Variants in CHODL observed in about 807,000 individuals in gnomAD.
The protein encoded by CHODL is chondrolectin, also known as transmembrane protein MT75.
A neutral mutation model predicts 34.5 loss-of-function variants in CHODL; 29 were observed. The ratio of observed to expected loss-of-function variants is 0.84; its 90% confidence interval spans 0.63 to 1.15. CHODL has a LOEUF of 1.15. Ranked by LOEUF, CHODL falls within the 50% of genes most tolerant of loss-of-function variation. CHODL has a pLI of 0.00. For synonymous variants in CHODL, 125 were observed against 116.1 expected (o/e 1.08, Z -0.49); for missense variants, 332 against 332.5 (o/e 1.00, Z 0.01).
intron 2 of CHODL, among the ~76,000 whole-genome samples, chr21:18,081,739 TAGAG>T (rs1179235287): frequency 6.6e-6 from 1 of 152,066 alleles, no homozygotes; most frequent in East Asian, 1.9e-4. Flanking sequence ...TTCCAGTTCT[TAGAG>T]GGAATGCTTT....
intron 2 of CHODL, among the ~76,000 whole-genome samples, chr21:18,097,446 C>T (rs2065153307): frequency 1.3e-5 from 2 of 151,754 alleles, no homozygotes; most frequent in African/African-American, 4.8e-5. Flanking sequence ...AACTGAAAAA[C>T]AGAAATAAAA....
chr21:18,102,981 A>C (rs2065233141), intron 2 of CHODL, among the ~76,000 whole-genome samples: 1 of 152,204 alleles, frequency 6.6e-6, no homozygotes, highest in Non-Finnish European at 1.5e-5. Flanking sequence ...TCTGGAATCC[A>C]AACCAAAGAT....
chr21:18,101,995 G>C (rs1013216658), intron 2 of CHODL, among the ~76,000 whole-genome samples: 1 of 152,218 alleles, frequency 6.6e-6, no homozygotes, highest in Non-Finnish European at 1.5e-5. Context: ...AGTAACTGTT[G>C]ATTACTCAGG....
chr21:17,962,311 C>T (rs774412325), intron 1 of CHODL, among the ~76,000 whole-genome samples: 4 of 152,136 alleles, frequency 2.6e-5, no homozygotes, highest in Non-Finnish European at 5.9e-5. Context: ...TAGGACCATT[C>T]TCTAATATGA....
At chr21:18,138,181 C>T (rs2072756714) in intron 2 of CHODL, among the ~76,000 whole-genome samples, 1 of 151,316 alleles carries the variant, frequency 6.6e-6, no homozygotes, top group African/African-American at 2.4e-5. Flanking sequence ...ATAGTAGGTC[C>T]AGAGCCCCTT....
At chr21:17,974,316 G>A (rs531323393) in intron 1 of CHODL, among the ~76,000 whole-genome samples, 84 of 151,954 alleles carry the variant, frequency 5.5e-4, no homozygotes, top group African/African-American at 2.0e-3. Context: ...TCTGTTGCCC[G>A]GGCTGGAGTG....
At chr21:18,024,485 C>T (rs1359703673) in intron 1 of CHODL, among the ~76,000 whole-genome samples, 3 of 152,094 alleles carry the variant, frequency 2.0e-5, no homozygotes, top group Non-Finnish European at 4.4e-5. Flanking sequence ...AAATTTCTGC[C>T]TGATTCGTGA....
intron 1 of CHODL, among the ~76,000 whole-genome samples, chr21:17,941,514 T>G (rs1394187086): frequency 6.6e-6 from 1 of 151,364 alleles, no homozygotes; most frequent in Non-Finnish European, 1.5e-5. Flanking sequence ...TGAATTGGCC[T>G]TGATTTATAG....
At chr21:18,250,014 C>T (rs909204814) in intron 1 of CHODL, among the ~76,000 whole-genome samples, 2 of 152,078 alleles carry the variant, frequency 1.3e-5, no homozygotes, top group Non-Finnish European at 2.9e-5. Flanking sequence ...CAGGAGAGGT[C>T]GTCTTTTCCC....
In CHODL at chr21:17,957,451, C is replaced by G. The variant is rs2063501305; in HGVS notation, c.-145+40051C>G. On this transcript the variant is annotated intron_variant, in intron 1 of 6. Coordinates refer to the CHODL transcript ENST00000400127. ...CTTCCTTTGTATCTTCACCTCTATT[C>G]TCCTCCATGTTTTGTTCATCAGGCA... Among the ~76,000 whole-genome samples, 3 of 152,136 alleles carry G rather than the reference C, an allele frequency of 2.0e-5. No homozygotes were observed. The South Asian group carries it at 6.2e-4, about 31-fold the overall frequency.
rs561883847 is a variant in CHODL at position 18,248,222 on chromosome 21, A to G, written c.79+2920A>G. 1.3e-4 allele frequency among the ~76,000 whole-genome samples: 19 copies of G among 151,998 alleles called. 1 individual carries two copies. The South Asian group carries it at 3.9e-3, about 31-fold the overall frequency. On this transcript the variant is annotated intron_variant, in intron 1 of 5. Transcript: ENST00000299295. ...TCTCTTCTTATCCTGTGGATACCAT[A>G]GAATATTGCAAATTCATGGGTGGTG...
rs139934393 is a variant in CHODL, at chr21:18,127,258, G to A, written c.-45+99287G>A. Among the ~76,000 whole-genome samples, 541 of 152,072 alleles carry A rather than the reference G, an allele frequency of 3.6e-3. 6 individuals carry two copies. Among genetic ancestry groups the A allele is most frequent in the African/African-American group, 0.011 (467 of 41,482 alleles). ...TTGAACAACTCTGGATATACTAAAC[G>A]CCACTGAATTGTGTGGCTTTTAATC... On this transcript the variant is annotated intron_variant, in intron 2 of 6. Transcript: ENST00000400127.
intron 2 of CHODL, among the ~76,000 whole-genome samples, chr21:18,196,054 C>A (rs1309979713): frequency 6.6e-6 from 1 of 152,128 alleles, no homozygotes; most frequent in Non-Finnish European, 1.5e-5. Flanking sequence ...AGTGTTGGAT[C>A]AGAATTATGT....
intron 2 of CHODL, among the ~76,000 whole-genome samples, chr21:18,060,981 C>A (rs909883007): frequency 1.3e-5 from 2 of 152,140 alleles, no homozygotes; most frequent in East Asian, 1.9e-4. Flanking sequence ...GGTGTTCCAG[C>A]GTTGTATTTC....
chr21:18,000,157 T>C (rs1424046448), intron 1 of CHODL, among the ~76,000 whole-genome samples: 1 of 152,150 alleles, frequency 6.6e-6, no homozygotes. Context: ...GGTCTGGCAA[T>C]TCACTTCAGA....
At chr21:18,000,718 G>A (rs2063897202) in intron 1 of CHODL, among the ~76,000 whole-genome samples, 1 of 152,146 alleles carries the variant, frequency 6.6e-6, no homozygotes, top group South Asian at 2.1e-4. Flanking sequence ...CATGCAGGAA[G>A]GGCTTCTTTA....
At chr21:18,243,907 C>T (rs2146775895), upstream of CHODL, among the ~76,000 whole-genome samples, 1 of 152,250 alleles carries the variant, frequency 6.6e-6, no homozygotes, top group East Asian at 1.9e-4. Context: ...TTAACAAATT[C>T]TCATGCATTT....
intron 4 of CHODL, among the ~76,000 whole-genome samples, chr21:18,261,360 T>TTA (rs529669826): frequency 7.3e-6 from 1 of 137,808 alleles, no homozygotes; most frequent in Non-Finnish European, 1.6e-5. Context: ...TAAAGTATGA[T>TTA]AAAAAAAAAA....
intron 2 of CHODL, among the ~76,000 whole-genome samples, chr21:18,214,373 A>G (rs1270890212): frequency 6.6e-6 from 1 of 152,042 alleles, no homozygotes; most frequent in Non-Finnish European, 1.5e-5. Context: ...TTCCTACTAG[A>G]CTGCATGCTT....
Sources: allele counts gnomAD v4.1 joint callset (sites outside exome capture counted in the v4.1 genomes callset), GRCh38; gene constraint gnomAD v4.1.1; transcripts MANE v1.5; gene names NCBI Gene and HGNC (gene_info 2026-07-23, HGNC 2026-07-21).